CDH4: variants seen among roughly 807,000 people sequenced by gnomAD.
The protein encoded by CDH4 is cadherin 4, also known as cadherin-4.
In CDH4, 33 loss-of-function variants were observed where a neutral mutation model predicts 86.0. That is an observed-to-expected ratio of 0.38 (90% confidence interval 0.29 to 0.51). The LOEUF (loss-of-function observed/expected upper bound fraction) is 0.51. CDH4 is among the 20% of genes least tolerant of loss of function. The pLI is 0.86. For missense variants in CDH4, 1,114 were observed against 1,307.4 expected (o/e 0.85, Z 2.28); for synonymous variants, 555 against 549.4 (o/e 1.01, Z -0.14).
intron 11 of CDH4, among the ~76,000 whole-genome samples, chr20:61,926,578 G>T (rs2055046944): frequency 6.6e-6 from 1 of 152,208 alleles, no homozygotes; most frequent in South Asian, 2.1e-4. Context: ...ATTAGAAAGT[G>T]ATTGTGAGCC....
intron 2 of CDH4, among the ~76,000 whole-genome samples, chr20:61,499,190 T>C (rs370489025): frequency 5.3e-4 from 80 of 152,310 alleles, no homozygotes; most frequent in African/African-American, 1.8e-3. Flanking sequence ...TTTTCGTAGC[T>C]CCTGGAGCCC....
rs140560884 is a variant in CDH4, at chr20:61,681,077, G to A, written c.170-62486G>A. ...AGCTTCTCTAACATAATCCCTCTGT[G>A]CCGTGCAATTATTAACACATCGCTT... On this transcript the variant is annotated intron_variant, in intron 2 of 15. Coordinates refer to ENST00000614565, the MANE Select transcript of CDH4 (RefSeq NM_001794.5). This position sits in a 1 kb window ranked among gnomAD's most constrained non-coding sequence, Gnocchi z 4.5. Among the ~76,000 whole-genome samples, 10 of 152,258 alleles carry A rather than the reference G, an allele frequency of 6.6e-5. No individual in the cohort carries two copies. In the East Asian group the frequency reaches 1.5e-3, roughly 23 times the overall value.
Position 61,663,167 on chromosome 20 carries a change from G to A in CDH4, c.170-80396G>A, listed in dbSNP as rs1372695187. 2.0e-5 allele frequency among the ~76,000 whole-genome samples: 3 copies of A among 152,240 alleles called. No individual in the cohort carries two copies. Among genetic ancestry groups the A allele is most frequent in the African/African-American group, 4.8e-5 (2 of 41,472 alleles). ...TGGAAATGAGGCTACTGGGCCTGCA[G>A]CTCCATGAGTGTCCACGCCTCCGTG... On this transcript the variant is annotated intron_variant, in intron 2 of 15. Coordinates refer to ENST00000614565, the MANE Select transcript of CDH4 (RefSeq NM_001794.5). This position sits in a 1 kb window ranked among gnomAD's most constrained non-coding sequence, Gnocchi z 5.0.
At chr20:61,817,950 G>T (rs1980813605) in intron 4 of CDH4, among the ~76,000 whole-genome samples, 2 of 152,234 alleles carry the variant, frequency 1.3e-5, no homozygotes, top group Admixed American at 1.3e-4. Flanking sequence ...CCAGGAATTT[G>T]GATCTTGCAG....
intron 4 of CDH4, among the ~76,000 whole-genome samples, chr20:61,842,140 A>T (rs188388391): frequency 6.6e-6 from 1 of 152,334 alleles, no homozygotes; most frequent in African/African-American, 2.4e-5. Context: ...AGTCTCTCTG[A>T]AGGCTAGCCT....
intron 2 of CDH4, among the ~76,000 whole-genome samples, chr20:61,731,505 G>T (rs918812922): frequency 2.0e-5 from 3 of 152,164 alleles, no homozygotes; most frequent in Non-Finnish European, 2.9e-5. Flanking sequence ...TGGAGCCTGG[G>T]CAGGTCCCCC....
At chr20:61,666,886 T>A (rs943643713) in intron 2 of CDH4, among the ~76,000 whole-genome samples, 1 of 151,984 alleles carries the variant, frequency 6.6e-6, no homozygotes, top group Non-Finnish European at 1.5e-5. Flanking sequence ...CCCCTGGGAG[T>A]GTGGTTACAC....
rs2087513425 is a variant in CDH4 at position 61,681,598 on chromosome 20, G to T, written c.170-61965G>T. Among the ~76,000 whole-genome samples, 1 of 152,188 alleles carries T rather than the reference G, an allele frequency of 6.6e-6. No homozygotes were observed. Among genetic ancestry groups the T allele is most frequent in the South Asian group, 2.1e-4 (1 of 4,824 alleles). ...GAGAAAAAGGGGGCATCATCTAGCA[G>T]CTGGGAGGAGTCTCAGGATCCCCCT... On this transcript the variant is annotated intron_variant, in intron 2 of 15. Coordinates refer to ENST00000614565, the MANE Select transcript of CDH4 (RefSeq NM_001794.5). This position sits in a 1 kb window ranked among gnomAD's most constrained non-coding sequence, Gnocchi z 4.5.
intron 2 of CDH4, among the ~76,000 whole-genome samples, chr20:61,318,823 C>T (rs2084492264): frequency 6.6e-6 from 1 of 152,238 alleles, no homozygotes; most frequent in Non-Finnish European, 1.5e-5. Flanking sequence ...CCCCTTTTCC[C>T]ATGTAATGTT....
At chr20:61,691,635 C>T (rs2087656512) in intron 2 of CDH4, among the ~76,000 whole-genome samples, 1 of 152,242 alleles carries the variant, frequency 6.6e-6, no homozygotes, top group East Asian at 1.9e-4. Context: ...CTTCTGCACC[C>T]CTCGGCTTCA....
chr20:61,895,152 C>T (rs1600746892), intron 8 of CDH4, 105 bp downstream of exon 8: 1 of 1,367,380 alleles, frequency 7.3e-7, no homozygotes, highest in African/African-American at 1.4e-5. Flanking sequence ...CTGACGGGCA[C>T]TTGGCAGATA....
At chr20:61,840,734 G>C (rs1195054254) in intron 4 of CDH4, among the ~76,000 whole-genome samples, 1 of 152,210 alleles carries the variant, frequency 6.6e-6, no homozygotes, top group Non-Finnish European at 1.5e-5. Flanking sequence ...GTGGAAAACT[G>C]TTCTCCCCTG....
intron 4 of CDH4, among the ~76,000 whole-genome samples, chr20:61,819,411 G>C (rs892052469): frequency 6.6e-6 from 1 of 151,242 alleles, no homozygotes; most frequent in Non-Finnish European, 1.5e-5. Flanking sequence ...GCATTCGCTC[G>C]CTCTGCCCCG....
intron 4 of CDH4, among the ~76,000 whole-genome samples, chr20:61,842,391 G>A (rs991575774): frequency 6.6e-6 from 1 of 152,144 alleles, no homozygotes; most frequent in Non-Finnish European, 1.5e-5. Flanking sequence ...CATAAAAACC[G>A]AGTGGGCTGC....
intron 2 of CDH4, among the ~76,000 whole-genome samples, chr20:61,613,080 C>T (rs769593012): frequency 6.6e-6 from 1 of 152,050 alleles, no homozygotes; most frequent in Non-Finnish European, 1.5e-5. Context: ...TTCTCCTGCC[C>T]CTGCCGAGAG....
chr20:61,747,386 C>T (rs1000950354), intron 3 of CDH4, among the ~76,000 whole-genome samples: 6 of 147,916 alleles, frequency 4.1e-5, no homozygotes, highest in African/African-American at 7.5e-5. Context: ...AGGCGGAGCT[C>T]GCAGTGAGCC....
intron 2 of CDH4, among the ~76,000 whole-genome samples, chr20:61,419,497 G>A (rs1322863933): frequency 6.6e-6 from 1 of 152,176 alleles, no homozygotes; most frequent in Non-Finnish European, 1.5e-5. Flanking sequence ...TCTACATCCT[G>A]GGGTAGCTTT....
intron 2 of CDH4, among the ~76,000 whole-genome samples, chr20:61,294,188 C>T (rs1270761891): frequency 6.6e-6 from 1 of 152,130 alleles, no homozygotes; most frequent in Non-Finnish European, 1.5e-5. Context: ...CTGCCGGCAT[C>T]ATGGGCTGAC....
At chr20:61,554,337 G>C (rs971413374) in intron 2 of CDH4, among the ~76,000 whole-genome samples, 3 of 152,220 alleles carry the variant, frequency 2.0e-5, no homozygotes, top group African/African-American at 7.2e-5. Context: ...TGAGGCAGGG[G>C]GCAGTAGAGG....
Sources: gnomAD v4.1 joint callset for allele counts (sites outside exome capture counted in the v4.1 genomes callset) on GRCh38, gnomAD v4.1.1 for gene constraint, Gnocchi (gnomAD v3.1) non-coding constraint, MANE v1.5 for transcripts, NCBI Gene and HGNC (gene_info 2026-07-23, HGNC 2026-07-21) for gene names.